Variants in SAMD12 observed in about 807,000 individuals in gnomAD.
SAMD12 encodes sterile alpha motif domain containing 12.
A neutral mutation model predicts 15.0 loss-of-function variants in SAMD12; 9 were observed. The ratio of observed to expected loss-of-function variants is 0.60; its 90% CI spans 0.36 to 1.05. The LOEUF is 1.05. SAMD12 is among the 50% of genes least tolerant of loss of function. The probability of loss-of-function intolerance (pLI) is 0.01; values close to 1 mark genes in which losing one functional copy is unlikely to be tolerated. For synonymous variants in SAMD12, 86 were observed against 90.1 expected, an observed-to-expected ratio of 0.96 and a Z score of 0.25; for missense variants, 230 against 234.2, an observed-to-expected ratio of 0.98 and a Z score of 0.12.
intron 4 of SAMD12, among the ~76,000 whole-genome samples, chr8:118,326,643 AG>A (rs992847120): frequency 6.6e-6 from 1 of 152,132 alleles, no homozygotes; most frequent in African/African-American, 2.4e-5. Context: ...TGTTACTTTA[AG>A]GTATCTGGGG....
intron 3 of SAMD12, among the ~76,000 whole-genome samples, chr8:118,384,460 G>T (rs565127994): frequency 2.6e-5 from 4 of 152,268 alleles, no homozygotes; most frequent in African/African-American, 9.6e-5. Flanking sequence ...TTGTACTGGG[G>T]TGGCAGGGAA....
chr8:118,206,532 T>A (rs1483188456), intron 4 of SAMD12, among the ~76,000 whole-genome samples: 2 of 152,194 alleles, frequency 1.3e-5, no homozygotes, highest in African/African-American at 4.8e-5. Context: ...TCAAACAACA[T>A]GTATTGTATT....
At chr8:118,486,517 A>G (rs899681237) in intron 2 of SAMD12, among the ~76,000 whole-genome samples, 9 of 152,108 alleles carry the variant, frequency 5.9e-5, no homozygotes, top group African/African-American at 2.2e-4. Context: ...AGGAGGGGCC[A>G]GGAGCCAAAG....
chr8:118,183,227 C>T, the SAMD12 span, among the ~76,000 whole-genome samples: 1 of 152,314 alleles, frequency 6.6e-6, no homozygotes, highest in Middle Eastern at 3.4e-3. Context: ...AGGAACTTTG[C>T]TGCAACTTGA....
chr8:118,320,816 T>TAAAA (rs200542019), intron 4 of SAMD12, among the ~76,000 whole-genome samples: 6,793 of 146,698 alleles, frequency 0.046, 496 homozygotes, highest in African/African-American at 0.15. Flanking sequence ...TAAAGTATAA[T>TAAAA]AAAAATATAT....
chr8:118,613,452 A>T (rs182742637), intron 1 of SAMD12, among the ~76,000 whole-genome samples: 82 of 152,344 alleles, frequency 5.4e-4, no homozygotes, highest in Non-Finnish European at 1.8e-4. Flanking sequence ...ATATAACTTC[A>T]GCAACAGGAC....
chr8:118,469,267 C>T (rs1011542678), intron 2 of SAMD12, among the ~76,000 whole-genome samples: 1 of 150,866 alleles, frequency 6.6e-6, no homozygotes, highest in Non-Finnish European at 1.5e-5. Context: ...TAGCTCTATG[C>T]TGCAGGATTT....
At chr8:118,303,413 G>C (rs1190847607) in intron 4 of SAMD12, among the ~76,000 whole-genome samples, 4 of 152,124 alleles carry the variant, frequency 2.6e-5, no homozygotes. Context: ...GGAATCCTGT[G>C]GTGATATCCC....
chr8:118,535,767 C>T (rs1825821445), intron 2 of SAMD12, among the ~76,000 whole-genome samples: 1 of 152,234 alleles, frequency 6.6e-6, no homozygotes, highest in Non-Finnish European at 1.5e-5. Context: ...ATATCATCTC[C>T]TGGTGTGGTC....
chr8:118,150,010 C>A, the SAMD12 span, among the ~76,000 whole-genome samples: 1 of 152,110 alleles, frequency 6.6e-6, no homozygotes, highest in Non-Finnish European at 1.5e-5. Context: ...TGATTTTGCC[C>A]CCCTCCCTTC....
chr8:118,197,725 AGAT>A, exon 5 of SAMD12: 1 of 1,613,528 alleles, frequency 6.2e-7, no homozygotes, highest in Non-Finnish European at 8.5e-7. Context: ...GAGAACCCTC[AGAT>A]GATGCTGCAA....
Position 118,478,013 on chromosome 8 carries a change from C to CAAA in SAMD12, c.193-38055_193-38053dup, listed in dbSNP as rs10629817. On this transcript the variant is annotated intron_variant, in intron 2 of 3. Coordinates refer to ENST00000314727, the MANE Select transcript of SAMD12 (RefSeq NM_207506.3). ...TGGGTGACAGAGCGAGACCCTGTCT[C>CAAA]AAAAAAAAAAAAAAAAAAAGAATTA... 8.9e-3 allele frequency among the ~76,000 whole-genome samples: 780 copies of CAAA among 88,058 alleles called. 19 individuals carry two copies. Among genetic ancestry groups the CAAA allele is most frequent in the East Asian group, 0.069 (195 of 2,830 alleles). The allele number at this position is 88,058 out of a possible 152,430, so 57.8% of individuals were successfully genotyped here.
intron 4 of SAMD12, chr8:118,197,874 A>G: frequency 1.3e-6 from 1 of 774,940 alleles, no homozygotes; most frequent in Non-Finnish European, 2.2e-6. Flanking sequence ...TGGTTACTCA[A>G]TGCCAGGATG....
At chr8:118,411,528 T>C (rs1821404854) in intron 3 of SAMD12, among the ~76,000 whole-genome samples, 1 of 152,182 alleles carries the variant, frequency 6.6e-6, no homozygotes, top group Non-Finnish European at 1.5e-5. Flanking sequence ...GTGTGACTTA[T>C]AAATTATGTT....
intron 2 of SAMD12, among the ~76,000 whole-genome samples, chr8:118,567,941 T>A (rs1173212283): frequency 6.6e-6 from 1 of 152,248 alleles, no homozygotes; most frequent in Non-Finnish European, 1.5e-5. Context: ...AACAAATAGT[T>A]GAGTCCTTCC....
the SAMD12 span, among the ~76,000 whole-genome samples, chr8:118,142,440 C>A: frequency 6.6e-6 from 1 of 152,190 alleles, no homozygotes. Flanking sequence ...CTTCTGGGAA[C>A]CTTCTCCTGT....
intron 2 of SAMD12, among the ~76,000 whole-genome samples, chr8:118,555,835 T>C (rs914546558): frequency 6.6e-5 from 10 of 152,174 alleles, no homozygotes; most frequent in African/African-American, 2.4e-4. Context: ...CCACAACCAA[T>C]GAAGCCTCTT....
the SAMD12 span, among the ~76,000 whole-genome samples, chr8:118,144,488 A>G: frequency 6.6e-6 from 1 of 152,154 alleles, no homozygotes; most frequent in Non-Finnish European, 1.5e-5. Context: ...TAGACATTTA[A>G]TGATATTTGG....
intron 2 of SAMD12, among the ~76,000 whole-genome samples, chr8:118,551,520 C>T (rs1475144535): frequency 6.6e-6 from 1 of 151,924 alleles, no homozygotes; most frequent in African/African-American, 2.4e-5. Context: ...GGGACACATT[C>T]AAAGCAGTGT....
Sources: gnomAD v4.1 joint callset for allele counts (sites outside exome capture counted in the v4.1 genomes callset) on GRCh38, gnomAD v4.1.1 for gene constraint, MANE v1.5 for transcripts, NCBI Gene and HGNC (gene_info 2026-07-23, HGNC 2026-07-21) for gene names.